The following RPL10L variants were observed in gnomAD, a reference collection of about 807,000 sequenced individuals.
The protein encoded by RPL10L is ribosomal protein L10 like, also known as ribosomal protein uL16-like.
RPL10L carries 11 observed loss-of-function variants against 10.2 expected under a neutral mutation model. The ratio of observed to expected loss-of-function variants is 1.08; its 90% CI spans 0.68 to 1.79. The LOEUF (loss-of-function observed/expected upper bound fraction) is 1.79. RPL10L is among the 40% of genes most tolerant of loss of function. The probability of loss-of-function intolerance (pLI) is 0.00; values close to 1 mark genes in which losing one functional copy is unlikely to be tolerated. For synonymous variants in RPL10L, 120 were observed against 101.7 expected, an observed-to-expected ratio of 1.18 and a Z score of -1.08; for missense variants, 320 against 289.8, an observed-to-expected ratio of 1.10 and a Z score of -0.76.
Position 46,651,100 on chromosome 14 carries a change from G to A in RPL10L, c.637C>T (p.His213Tyr). ...HGPLDKWRVL[H>Y]S ...CAGTACTGCCAAAACCTTCATGAGTGCAGAACCCGCCACTTGTCCAAGGGG... is the reference window on the plus strand; with the variant it reads ...CAGTACTGCCAAAACCTTCATGAGTACAGAACCCGCCACTTGTCCAAGGGG... Residue 213 changes from histidine (H) to tyrosine (Y), a missense_variant, in exon 1 of 1, where the codon CAC becomes TAC. Coordinates refer to ENST00000298283, the MANE Select transcript of RPL10L (RefSeq NM_080746.3). 1 of 1,613,730 alleles carries A rather than the reference G, an allele frequency of 6.2e-7. No homozygotes were observed.
Position 46,651,708 on chromosome 14 carries a change from C to T in RPL10L, c.29G>A (p.Arg10Gln), listed in dbSNP as rs560132354. The T allele has an allele frequency of 6.8e-6, 11 of 1,614,206 alleles. No homozygotes were observed. The South Asian group carries it at 9.9e-5, about 14-fold the overall frequency. ...TGGGTACGGCTTGTTCTTACAATAC[C>T]GGTAACAGCGAGCTGGACGGCGCCC... The part of the protein sequence containing the change: MGRRPARCY[R>Q]YCKNKPYPKS... The change falls in exon 1 of 1, where the codon CGG (arginine) becomes CAG (glutamine). Residue 10 changes from arginine to glutamine, a missense_variant. Coordinates refer to ENST00000298283, the MANE Select transcript of RPL10L (RefSeq NM_080746.3).
Position 46,651,460 on chromosome 14 carries a change from G to C in RPL10L, c.277C>G (p.Pro93Ala). The C allele has an allele frequency of 1.9e-6, 3 of 1,614,170 alleles. No individual in the cohort carries two copies. The highest frequency in any genetic ancestry group is 2.5e-6 in the Non-Finnish European group (3 of 1,180,036). ...TTGTTGATGCGGATGACATGGAAGG[G>C]ATGGAGCCGCACTCGCATGTGAAAG... ...DGFHMRVRLH[P>A]FHVIRINKML... The change falls in exon 1 of 1, where the codon CCC (proline) becomes GCC (alanine). Residue 93 changes from proline (P) to alanine (A), a missense_variant. Coordinates refer to ENST00000298283, the MANE Select transcript of RPL10L (RefSeq NM_080746.3).
chr14:46,651,555 G>A lies in RPL10L; in HGVS notation c.182C>T (p.Ser61Phe), dbSNP rs749063328. Residue 61 changes from serine to phenylalanine, a missense_variant, in exon 1 of 1, where the codon TCT becomes TTT. By Grantham distance (155) the Ser-to-Phe change is radical. Coordinates refer to ENST00000298283, the MANE Select transcript of RPL10L (RefSeq NM_080746.3). Reference protein sequence around the residue: ...HMVSDEYEQLSSEALEAARIC... With the variant: ...HMVSDEYEQLFSEALEAARIC... ...ACGGGCGGCCTCCAGGGCTTCAGAA[G>A]ACAGCTGCTCATATTCATCAGACAC... is the stretch of plus-strand genomic sequence containing the variant. 5.0e-6 allele frequency: 8 copies of A among 1,614,188 alleles called. No homozygotes were observed. Among genetic ancestry groups the A allele is most frequent in the Non-Finnish European group, 6.8e-6 (8 of 1,180,042 alleles).
rs1417747470 is a variant in RPL10L at position 46,651,152 on chromosome 14, A to G, written c.585T>C (p.Cys195=). 1 of 1,614,032 alleles carries G rather than the reference A, an allele frequency of 6.2e-7. No homozygotes were observed. The highest frequency in any genetic ancestry group is 1.3e-5 in the African/African-American group (1 of 74,912). ...VAKKCLIPDG[C]GVKYVPSHGP... is the part of the protein sequence containing the mutation. ...CATGACTGGGAACGTACTTGACTCC[A>G]CAACCATCAGGGATGAGGCACTTCT... The change falls in exon 1 of 1, where the codon TGT becomes TGC. Residue 195 remains cysteine (C), a synonymous_variant. Coordinates refer to ENST00000298283, the MANE Select transcript of RPL10L (RefSeq NM_080746.3).
Position 46,651,182 on chromosome 14 carries a change from CA to C in RPL10L, c.554del (p.Val185GlyfsTer49), listed in dbSNP as rs1883863996. ...CATCAGGGATGAGGCACTTCTTGGC[CA>C]CCATGTCTTCAAATTCGTCAGCATT... ...KFNADEFEDMVAKKCLIPDGC... is the reference protein window; with the variant it reads ...KFNADEFEDMXAKKCLIPDGC... On this transcript the variant is annotated frameshift_variant, in exon 1 of 1. Transcript: ENST00000298283. LOFTEE classifies it high-confidence loss of function. 2 of 1,614,010 alleles carry C rather than the reference CA, an allele frequency of 1.2e-6. No homozygotes were observed. Among genetic ancestry groups the C allele is most frequent in the Admixed American group, 3.3e-5 (2 of 59,998 alleles).
Position 46,651,169 on chromosome 14 carries a change from G to T in RPL10L, c.568C>A (p.Leu190Ile). ...EFEDMVAKKC[L>I]IPDGCGVKYV... is the part of the protein sequence containing the mutation. Reference sequence around the variant, plus strand: ...TTGACTCCACAACCATCAGGGATGAGGCACTTCTTGGCCACCATGTCTTCA... The same window carrying T: ...TTGACTCCACAACCATCAGGGATGATGCACTTCTTGGCCACCATGTCTTCA... Residue 190 changes from leucine to isoleucine, a missense_variant, in exon 1 of 1, where the codon CTC (leucine) becomes ATC (isoleucine). Transcript: ENST00000298283. The T allele has an allele frequency of 6.2e-7, 1 of 1,614,122 alleles. No homozygotes were observed. The highest frequency in any genetic ancestry group is 8.5e-7 in the Non-Finnish European group (1 of 1,180,012).
rs141953926 is a variant in RPL10L, at chr14:46,651,667, G to A, written c.70C>T (p.Arg24Ter). Residue 24 changes from arginine (R) to a stop codon, truncating the protein, a stop_gained, in exon 1 of 1, where the codon CGA (arginine) becomes TGA (stop). Transcript: ENST00000298283. LOFTEE classifies it high-confidence loss of function. ...CGGATCTTGGCATCAGGAACCCCTC[G>A]GCAGAAACGAGATTTTGGGTACGGC... is the stretch of plus-strand genomic sequence containing the variant. The part of the protein sequence containing the change: ...NKPYPKSRFC[R>*]GVPDAKIRIF... 5.0e-6 allele frequency: 8 copies of A among 1,614,072 alleles called. No individual in the cohort carries two copies. Among genetic ancestry groups the A allele is most frequent in the Non-Finnish European group, 5.9e-6 (7 of 1,180,052 alleles).
At position 46,651,230 on chromosome 14, in the gene RPL10L, C is replaced by G. The variant is rs1332141725; in HGVS notation, c.507G>C (p.Lys169Asn). ...FPGRQKIHIS[K>N]KWGFTKFNAD... is the part of the protein sequence containing the mutation. ...CATTAAACTTCGTGAAGCCCCACTT[C>G]TTGGAGATATGAATCTTCTGGCGTC... The change falls in exon 1 of 1, where the codon AAG (lysine) becomes AAC (asparagine). Residue 169 changes from lysine (K) to asparagine (N), a missense_variant. By Grantham distance (94) the Lys-to-Asn change is moderately conservative. Coordinates refer to ENST00000298283, the MANE Select transcript of RPL10L (RefSeq NM_080746.3). The G allele has an allele frequency of 6.2e-7, 1 of 1,614,182 alleles. No homozygotes were observed. Among genetic ancestry groups the G allele is most frequent in the Non-Finnish European group, 8.5e-7 (1 of 1,180,034 alleles).
chr14:46,651,030 G>A lies in RPL10L; in HGVS notation c.*62C>T, dbSNP rs1425765843. On this transcript the variant is annotated 3_prime_UTR_variant, in exon 1 of 1. Transcript: ENST00000298283. ...AGGAGTTATTTTTTGCCAGTAAACA[G>A]AATTTATTAGTAAGCATAAGTCAGA... 3 of 1,501,330 alleles carry A rather than the reference G, an allele frequency of 2.0e-6. No individual in the cohort carries two copies. Among genetic ancestry groups the A allele is most frequent in the African/African-American group, 2.8e-5 (2 of 71,278 alleles). The allele number at this position is 1,501,330 out of a possible 1,614,324, so 93.0% of individuals were successfully genotyped here. A position where few individuals can be genotyped will look rare whatever the true frequency, so the allele number is the denominator to read the frequency against.
At position 46,651,338 on chromosome 14, in the gene RPL10L, T is replaced by C. The variant is rs775054668; in HGVS notation, c.399A>G (p.Gln133=). 1.2e-6 allele frequency: 2 copies of C among 1,614,006 alleles called. No individual in the cohort carries two copies. Among genetic ancestry groups the C allele is most frequent in the African/African-American group, 1.3e-5 (1 of 74,908 alleles). Residue 133 remains glutamine (Q), a synonymous_variant, in exon 1 of 1, where the codon CAA becomes CAG. Coordinates refer to ENST00000298283, the MANE Select transcript of RPL10L (RefSeq NM_080746.3). ...QGTVARVHIG[Q]VIMSIRTKLQ... ...GCTTGGTGCGGATGGACATGATGACTTGACCAATGTGGACCCGGGCTACAG... is the reference window on the plus strand; with the variant it reads ...GCTTGGTGCGGATGGACATGATGACCTGACCAATGTGGACCCGGGCTACAG...
chr14:46,651,692 C>A lies in RPL10L; in HGVS notation c.45G>T (p.Lys15Asn). 1.2e-6 allele frequency: 2 copies of A among 1,614,236 alleles called. No homozygotes were observed. Among genetic ancestry groups the A allele is most frequent in the East Asian group, 4.5e-5 (2 of 44,872 alleles). The change falls in exon 1 of 1, where the codon AAG becomes AAT. Residue 15 changes from lysine to asparagine, a missense_variant. Transcript: ENST00000298283. ...PARCYRYCKN[K>N]PYPKSRFCRG... ...GGCAGAAACGAGATTTTGGGTACGG[C>A]TTGTTCTTACAATACCGGTAACAGC...
rs930343305 is a variant in RPL10L at position 46,651,456 on chromosome 14, A to T, written c.281T>A (p.Phe94Tyr). The T allele has an allele frequency of 6.2e-7, 1 of 1,613,998 alleles. No homozygotes were observed. Among genetic ancestry groups the T allele is most frequent in the Non-Finnish European group, 8.5e-7 (1 of 1,180,022 alleles). ...CATCTTGTTGATGCGGATGACATGG[A>T]AGGGATGGAGCCGCACTCGCATGTG... ...GFHMRVRLHP[F>Y]HVIRINKMLS... The change falls in exon 1 of 1, where the codon TTC (phenylalanine) becomes TAC (tyrosine). Residue 94 changes from phenylalanine (F) to tyrosine (Y), a missense_variant. Physicochemically the swap from Phe to Tyr is conservative, Grantham distance 22. Transcript: ENST00000298283.
Position 46,651,476 on chromosome 14 carries a change from C to T in RPL10L, c.261G>A (p.Met87Ile). The change falls in exon 1 of 1, where the codon ATG becomes ATA. Residue 87 changes from methionine to isoleucine, a missense_variant. By Grantham distance (10) the Met-to-Ile change is conservative. Transcript: ENST00000298283. ...VKSCGRDGFH[M>I]RVRLHPFHVI... is the part of the protein sequence containing the mutation. ...CATGGAAGGGATGGAGCCGCACTCG[C>T]ATGTGAAAGCCATCTCTGCCACAAC... 1.2e-6 allele frequency: 2 copies of T among 1,614,204 alleles called. No homozygotes were observed. Among genetic ancestry groups the T allele is most frequent in the Non-Finnish European group, 1.7e-6 (2 of 1,180,044 alleles).
rs1483780071 is a variant in RPL10L, at chr14:46,651,192, T to C, written c.545A>G (p.Glu182Gly). Residue 182 changes from glutamate to glycine, a missense_variant, in exon 1 of 1, where the codon GAA (glutamate) becomes GGA (glycine). By Grantham distance (98) the Glu-to-Gly change is moderately conservative. Coordinates refer to ENST00000298283, the MANE Select transcript of RPL10L (RefSeq NM_080746.3). ...GAGGCACTTCTTGGCCACCATGTCT[T>C]CAAATTCGTCAGCATTAAACTTCGT... ...GFTKFNADEFEDMVAKKCLIP... is the reference protein window; with the variant it reads ...GFTKFNADEFGDMVAKKCLIP... 3 of 1,614,164 alleles carry C rather than the reference T, an allele frequency of 1.9e-6. No homozygotes were observed. The highest frequency in any genetic ancestry group is 1.1e-5 in the South Asian group (1 of 91,082).
chr14:46,651,778 G>T lies in RPL10L; in HGVS notation c.-42C>A, dbSNP rs112520304. 5.6e-4 allele frequency: 907 copies of T among 1,612,154 alleles called. 9 individuals carry two copies. The African/African-American group carries it at 0.011, about 19-fold the overall frequency. ...CGGCGGTGCCTCGAAGTCAAAATGC[G>T]CTCTCTTAACTACGCCTGCGCGCAT... On this transcript the variant is annotated 5_prime_UTR_variant, in exon 1 of 1. Transcript: ENST00000298283.
rs775298472 is a variant in RPL10L, at chr14:46,651,663, C to T, written c.74G>A (p.Gly25Glu). The change falls in exon 1 of 1, where the codon GGG becomes GAG. Residue 25 changes from glycine to glutamate, a missense_variant. Gly to Glu is a moderately conservative substitution (Grantham distance 98). Transcript: ENST00000298283. ...GATGCGGATCTTGGCATCAGGAACC[C>T]CTCGGCAGAAACGAGATTTTGGGTA... The part of the protein sequence containing the change: ...KPYPKSRFCR[G>E]VPDAKIRIFD... 2.5e-6 allele frequency: 4 copies of T among 1,614,210 alleles called. No homozygotes were observed. The highest frequency in any genetic ancestry group is 1.3e-5 in the African/African-American group (1 of 75,066).
chr14:46,651,020 C>A lies in RPL10L; in HGVS notation c.*72G>T. 2 of 1,441,960 alleles carry A rather than the reference C, an allele frequency of 1.4e-6. No individual in the cohort carries two copies. The highest frequency in any genetic ancestry group is 1.5e-5 in the South Asian group (1 of 68,416). 89.3% of individuals were successfully genotyped at this position (1,441,960 alleles called of 1,614,324 possible). The stretch of plus-strand genomic sequence containing the variant: ...AAACTTAATAAGGAGTTATTTTTTG[C>A]CAGTAAACAGAATTTATTAGTAAGC... On this transcript the variant is annotated 3_prime_UTR_variant, in exon 1 of 1. Coordinates refer to ENST00000298283, the MANE Select transcript of RPL10L (RefSeq NM_080746.3).
Position 46,651,354 on chromosome 14 carries a change from C to A in RPL10L, c.383G>T (p.Arg128Leu), listed in dbSNP as rs199599984. 1 of 1,614,124 alleles carries A rather than the reference C, an allele frequency of 6.2e-7. No homozygotes were observed. Among genetic ancestry groups the A allele is most frequent in the Admixed American group, 1.7e-5 (1 of 60,004 alleles). ...AFGKPQGTVA[R>L]VHIGQVIMSI... ...CATGATGACTTGACCAATGTGGACC[C>A]GGGCTACAGTACCCTGGGGTTTTCC... Residue 128 changes from arginine (R) to leucine (L), a missense_variant, in exon 1 of 1, where the codon CGG becomes CTG. Transcript: ENST00000298283.
chr14:46,651,757 G>T lies in RPL10L; in HGVS notation c.-21C>A, dbSNP rs375789301. The T allele has an allele frequency of 2.5e-6, 4 of 1,613,732 alleles. No homozygotes were observed. The highest frequency in any genetic ancestry group is 2.2e-5 in the East Asian group (1 of 44,852). On this transcript the variant is annotated 5_prime_UTR_variant, in exon 1 of 1. Coordinates refer to ENST00000298283, the MANE Select transcript of RPL10L (RefSeq NM_080746.3). Reference sequence around the variant, plus strand: ...CCCATGGCGACACAGTAACGTCGGCGGTGCCTCGAAGTCAAAATGCGCTCT... The same window carrying T: ...CCCATGGCGACACAGTAACGTCGGCTGTGCCTCGAAGTCAAAATGCGCTCT...
Sources: allele counts gnomAD v4.1 joint callset, GRCh38; gene constraint gnomAD v4.1.1; transcripts MANE v1.5; gene names NCBI Gene and HGNC (gene_info 2026-07-23, HGNC 2026-07-21).